Variants in SUCLA2 observed in about 807,000 individuals in gnomAD.
SUCLA2 encodes succinate-CoA ligase ADP-forming subunit beta.
Under a neutral mutation model 54.8 loss-of-function variants are expected in SUCLA2, and 30 were observed. The ratio of observed to expected loss-of-function variants is 0.55; its 90% CI spans 0.41 to 0.74. The LOEUF is 0.74. SUCLA2 is among the 30% of genes least tolerant of loss of function. SUCLA2 has a pLI of 0.00. For synonymous variants in SUCLA2, 172 were observed against 188.9 expected, an observed-to-expected ratio of 0.91 and a Z score of 0.74; for missense variants, 476 against 562.9, an observed-to-expected ratio of 0.85 and a Z score of 1.56.
intron 10 of SUCLA2, 27 bp downstream of exon 10, chr13:47,948,910 ATCC>A (rs1252962785): frequency 6.3e-7 from 1 of 1,598,930 alleles, no homozygotes; most frequent in Non-Finnish European, 8.6e-7. Context: ...GTGTTTATAA[ATCC>A]TCCTTAGATG....
intron 4 of SUCLA2, among the ~76,000 whole-genome samples, chr13:47,980,908 T>C (rs1262284620): frequency 1.3e-5 from 2 of 151,958 alleles, no homozygotes; most frequent in Non-Finnish European, 2.9e-5. Context: ...AAGAATGAAG[T>C]TAGACCCTTA....
At chr13:47,960,617 A>T (rs971003157) in intron 6 of SUCLA2, among the ~76,000 whole-genome samples, 2 of 152,152 alleles carry the variant, frequency 1.3e-5, no homozygotes, top group African/African-American at 4.8e-5. Flanking sequence ...CATTAAGGAA[A>T]TTATATTGAT....
chr13:47,986,062 A>G (rs1593499025), intron 4 of SUCLA2, among the ~76,000 whole-genome samples: 1 of 92,352 alleles, frequency 1.1e-5, no homozygotes, highest in South Asian at 3.3e-4. Context: ...ACGGATTCTT[A>G]CTCTGTCGCC....
chr13:47,967,995 T>C (rs1267765056), intron 6 of SUCLA2, among the ~76,000 whole-genome samples: 1 of 152,060 alleles, frequency 6.6e-6, no homozygotes, highest in Non-Finnish European at 1.5e-5. Flanking sequence ...ATCCCTAATA[T>C]ATAAAGACCC....
At chr13:47,993,651 A>G (rs1402278696) in intron 2 of SUCLA2, among the ~76,000 whole-genome samples, 1 of 152,196 alleles carries the variant, frequency 6.6e-6, no homozygotes, top group Non-Finnish European at 1.5e-5. Context: ...TCCTGCCACC[A>G]CAGGACTGGG....
At chr13:47,970,038 G>A (rs989079327) in intron 5 of SUCLA2, among the ~76,000 whole-genome samples, 24 of 150,588 alleles carry the variant, frequency 1.6e-4, no homozygotes, top group African/African-American at 5.9e-4. Flanking sequence ...GGAGGTGGAG[G>A]TTGCAGTGAG....
At chr13:47,999,269 T>C (rs1047881927) in intron 1 of SUCLA2, among the ~76,000 whole-genome samples, 2 of 152,218 alleles carry the variant, frequency 1.3e-5, no homozygotes, top group Non-Finnish European at 2.9e-5. Flanking sequence ...GTTACAGCAA[T>C]GTTGAATTCC....
chr13:47,981,794 C>G (rs1168239782), intron 4 of SUCLA2, among the ~76,000 whole-genome samples: 1 of 152,200 alleles, frequency 6.6e-6, no homozygotes, highest in East Asian at 1.9e-4. Flanking sequence ...GCCTGGGCAA[C>G]AGAACGAGAC....
At chr13:47,959,260 C>T (rs1470344890) in intron 6 of SUCLA2, among the ~76,000 whole-genome samples, 2 of 151,220 alleles carry the variant, frequency 1.3e-5, no homozygotes, top group Non-Finnish European at 2.9e-5. Context: ...AGTAAGGAAA[C>T]AAGTGGGGGA....
chr13:47,972,412 T>G (rs1949974496), intron 5 of SUCLA2, among the ~76,000 whole-genome samples: 1 of 152,138 alleles, frequency 6.6e-6, no homozygotes, highest in Non-Finnish European at 1.5e-5. Flanking sequence ...CTCACGCCTA[T>G]AATCCCAGCA....
intron 6 of SUCLA2, among the ~76,000 whole-genome samples, chr13:47,964,726 G>A (rs893746791): frequency 5.3e-5 from 8 of 152,072 alleles, no homozygotes; most frequent in East Asian, 1.9e-4. Context: ...GCGTGGTGGC[G>A]GGCACCTGTA....
At chr13:47,967,606 A>AG (rs1434316171) in intron 6 of SUCLA2, among the ~76,000 whole-genome samples, 1 of 152,064 alleles carries the variant, frequency 6.6e-6, no homozygotes, top group Admixed American at 6.5e-5. Flanking sequence ...TTTGGGAGGC[A>AG]GGGGCAGGCA....
At position 47,943,362 on chromosome 13, in the gene SUCLA2, G is replaced by A; in HGVS notation, c.*9C>T. On this transcript the variant is annotated 3_prime_UTR_variant, in exon 11 of 11. Coordinates refer to ENST00000646932, the MANE Select transcript of SUCLA2 (RefSeq NM_003850.3). Reference sequence around the variant, plus strand: ...TTTAACACCTTCAGCCATCCACTGGGTTTTCAGATCATATTGGCAACTGAA... The same window carrying A: ...TTTAACACCTTCAGCCATCCACTGGATTTTCAGATCATATTGGCAACTGAA... 1 of 1,613,116 alleles carries A rather than the reference G, an allele frequency of 6.2e-7. No homozygotes were observed. Among genetic ancestry groups the A allele is most frequent in the Non-Finnish European group, 8.5e-7 (1 of 1,179,242 alleles).
At chr13:47,985,204 T>G (rs767376887) in intron 4 of SUCLA2, among the ~76,000 whole-genome samples, 1 of 152,228 alleles carries the variant, frequency 6.6e-6, no homozygotes, top group Non-Finnish European at 1.5e-5. Context: ...TGTTTTGTTT[T>G]AGTTTTGCTT....
At chr13:47,994,347 A>G (rs1041721848) in intron 2 of SUCLA2, among the ~76,000 whole-genome samples, 1 of 152,012 alleles carries the variant, frequency 6.6e-6, no homozygotes, top group Non-Finnish European at 1.5e-5. Flanking sequence ...AGGCGGGTGG[A>G]TCACAAGGTC....
In SUCLA2 at chr13:47,989,711, AGTTATATC is replaced by A. The variant is rs547443726; in HGVS notation, c.272-738_272-731del. ...AAACTTGCTGTCCTGAGAACATCTG[AGTTATATC>A]GCTATAGCAGGAATATGTCATGATT... On this transcript the variant is annotated intron_variant, in intron 2 of 10. Transcript: ENST00000646932. 2.4e-4 allele frequency among the ~76,000 whole-genome samples: 36 copies of A among 152,222 alleles called. No individual in the cohort carries two copies. The South Asian group carries it at 7.5e-3, about 32-fold the overall frequency.
intron 6 of SUCLA2, 47 bp downstream of exon 6, chr13:47,968,548 T>C: frequency 6.2e-7 from 1 of 1,605,618 alleles, no homozygotes; most frequent in Non-Finnish European, 8.5e-7. Flanking sequence ...GGAAGCATAT[T>C]AGAGAAATAA....
chr13:47,961,530 T>G (rs542946232), intron 6 of SUCLA2, among the ~76,000 whole-genome samples: 1 of 152,304 alleles, frequency 6.6e-6, no homozygotes, highest in African/African-American at 2.4e-5. Context: ...AAACTATTTT[T>G]TTTGGATATT....
At chr13:47,970,237 ACTAAAACCAAATGTTTAGG>A (rs940088289) in intron 5 of SUCLA2, among the ~76,000 whole-genome samples, 1 of 152,174 alleles carries the variant, frequency 6.6e-6, no homozygotes, top group Non-Finnish European at 1.5e-5. Flanking sequence ...AAAAACAAAA[ACTAAAACCAAATGTTTAGG>A]CTTAAACATT....
Sources: gnomAD v4.1 joint callset for allele counts (sites outside exome capture counted in the v4.1 genomes callset) on GRCh38, gnomAD v4.1.1 for gene constraint, MANE v1.5 for transcripts, NCBI Gene and HGNC (gene_info 2026-07-23, HGNC 2026-07-21) for gene names.